Variants in IGLON5 observed in about 807,000 individuals in gnomAD.
IGLON5 encodes Ig-like domain-containing protein ENSP00000270642.
Under a neutral mutation model 38.2 loss-of-function variants are expected in IGLON5, and 16 were observed. The ratio of observed to expected loss-of-function variants is 0.42; its 90% confidence interval spans 0.28 to 0.64. The LOEUF (loss-of-function observed/expected upper bound fraction) is 0.64, where lower values mean the gene tolerates loss of function less well. Ranked by LOEUF, IGLON5 falls within the 30% of genes least tolerant of loss-of-function variation. The pLI is 0.23. For synonymous variants in IGLON5, 207 were observed against 216.4 expected (o/e 0.96, Z 0.38); for missense variants, 366 against 483.4 (o/e 0.76, Z 2.28).
Position 51,327,691 on chromosome 19 carries a change from C to G in IGLON5, c.768-41C>G. On this transcript the variant is annotated intron_variant, in intron 6 of 7. Coordinates refer to ENST00000270642, the MANE Select transcript of IGLON5 (RefSeq NM_001101372.3). The surrounding 1 kb of genome is among the most constrained non-coding windows in gnomAD (Gnocchi z 7.1). ...CCTGAGAGTCGGGGGGCTGGCCTGG[C>G]TGGGCGCTGCGGCCCGGCCCCTGAC... 1 of 1,542,720 alleles carries G rather than the reference C, an allele frequency of 6.5e-7. No individual in the cohort carries two copies. The highest frequency in any genetic ancestry group is 8.7e-7 in the Non-Finnish European group (1 of 1,149,938).
chr19:51,327,693 G>T lies in IGLON5; in HGVS notation c.768-39G>T, dbSNP rs774676410. 2.6e-6 allele frequency: 4 copies of T among 1,543,638 alleles called. No homozygotes were observed. The African/African-American group carries it at 5.5e-5, about 21-fold the overall frequency. Reference sequence around the variant, plus strand: ...TGAGAGTCGGGGGGCTGGCCTGGCTGGGCGCTGCGGCCCGGCCCCTGACCC... The same window carrying T: ...TGAGAGTCGGGGGGCTGGCCTGGCTTGGCGCTGCGGCCCGGCCCCTGACCC... On this transcript the variant is annotated intron_variant, in intron 6 of 7. Coordinates refer to ENST00000270642, the MANE Select transcript of IGLON5 (RefSeq NM_001101372.3). This position sits in a 1 kb window ranked among gnomAD's most constrained non-coding sequence, Gnocchi z 7.1.
intron 1 of IGLON5, among the ~76,000 whole-genome samples, chr19:51,316,713 C>G (rs970643153): frequency 6.6e-6 from 1 of 152,088 alleles, no homozygotes; most frequent in East Asian, 2.0e-4. Flanking sequence ...AGGCTAGTCT[C>G]GAACTCCTGA....
In IGLON5 at chr19:51,324,725, A is replaced by G. The variant is rs1985170732; in HGVS notation, c.392-621A>G. ...ATGCCCTACTAGAAAAGAAAAAACA[A>G]AAACACTGCCAGCGATACCCTGGCA... On this transcript the variant is annotated intron_variant, in intron 3 of 7. Coordinates refer to ENST00000270642, the MANE Select transcript of IGLON5 (RefSeq NM_001101372.3). The surrounding 1 kb of genome is among the most constrained non-coding windows in gnomAD (Gnocchi z 4.2). Among the ~76,000 whole-genome samples, 1 of 151,668 alleles carries G rather than the reference A, an allele frequency of 6.6e-6. No individual in the cohort carries two copies. Among genetic ancestry groups the G allele is most frequent in the South Asian group, 2.1e-4 (1 of 4,808 alleles).
intron 1 of IGLON5, among the ~76,000 whole-genome samples, chr19:51,315,173 ATT>A (rs1984887479): frequency 6.6e-6 from 1 of 152,122 alleles, no homozygotes; most frequent in Non-Finnish European, 1.5e-5. Flanking sequence ...ACATTGTGGT[ATT>A]TTAAAACAAT....
Position 51,327,335 on chromosome 19 carries a change from C to A in IGLON5, c.767+135C>A. Reference sequence around the variant, plus strand: ...GTCCCGAACCTGGGGCGTCCAGCTTCTAGGTGATGGGATCTGTCCAGCCCC... The same window carrying A: ...GTCCCGAACCTGGGGCGTCCAGCTTATAGGTGATGGGATCTGTCCAGCCCC... On this transcript the variant is annotated intron_variant, in intron 6 of 7. Coordinates refer to ENST00000270642, the MANE Select transcript of IGLON5 (RefSeq NM_001101372.3). This position sits in a 1 kb window ranked among gnomAD's most constrained non-coding sequence, Gnocchi z 7.1. 1 of 1,236,346 alleles carries A rather than the reference C, an allele frequency of 8.1e-7. No homozygotes were observed. The highest frequency in any genetic ancestry group is 2.4e-5 in the East Asian group (1 of 41,706). The allele number at this position is 1,236,346 out of a possible 1,614,324, so 76.6% of individuals were successfully genotyped here. A position where few individuals can be genotyped will look rare whatever the true frequency, so the allele number is the denominator to read the frequency against.
rs1467783045 is a variant in IGLON5 at position 51,330,664 on chromosome 19, G to A, written c.*1905G>A. Among the ~76,000 whole-genome samples the A allele has an allele frequency of 2.6e-5, 4 of 152,160 alleles. No homozygotes were observed. Among genetic ancestry groups the A allele is most frequent in the Non-Finnish European group, 5.9e-5 (4 of 68,036 alleles). On this transcript the variant is annotated 3_prime_UTR_variant, in exon 8 of 8. Coordinates refer to ENST00000270642, the MANE Select transcript of IGLON5 (RefSeq NM_001101372.3). ...CGTGATGTGAAGTCAACATCTGTAG[G>A]GTTGCTTTTCTCCATCACATGGAGA...
chr19:51,330,069 G>C lies in IGLON5; in HGVS notation c.*1310G>C, dbSNP rs1162300825. On this transcript the variant is annotated 3_prime_UTR_variant, in exon 8 of 8. Transcript: ENST00000270642. Reference sequence around the variant, plus strand: ...CACAGACATCCTGAGCCCAGACAAAGATGCCATGTCACCAACTCCGACTCC... The same window carrying C: ...CACAGACATCCTGAGCCCAGACAAACATGCCATGTCACCAACTCCGACTCC... 1 of 152,360 alleles carries C rather than the reference G, an allele frequency of 6.6e-6. No homozygotes were observed. The highest frequency in any genetic ancestry group is 2.4e-5 in the African/African-American group (1 of 41,450). The allele number at this position is 152,360 out of a possible 1,614,324, so 9.4% of individuals were successfully genotyped here.
In IGLON5 at chr19:51,330,407, G is replaced by A. The variant is rs1985329031; in HGVS notation, c.*1648G>A. 1 of 152,240 alleles carries A rather than the reference G, an allele frequency of 6.6e-6. No individual in the cohort carries two copies. Among genetic ancestry groups the A allele is most frequent in the African/African-American group, 2.4e-5 (1 of 41,446 alleles). The allele number at this position is 152,240 out of a possible 1,614,324, so 9.4% of individuals were successfully genotyped here. A position where few individuals can be genotyped will look rare whatever the true frequency, so the allele number is the denominator to read the frequency against. On this transcript the variant is annotated 3_prime_UTR_variant, in exon 8 of 8. Coordinates refer to ENST00000270642, the MANE Select transcript of IGLON5 (RefSeq NM_001101372.3). ...AGGATTAGAGTTAATGAAGGGCAAA[G>A]GGTAGCAGTCAATTGGTGGTGCCTC...
At chr19:51,313,213 C>T (rs139376669) in intron 1 of IGLON5, among the ~76,000 whole-genome samples, 12 of 152,328 alleles carry the variant, frequency 7.9e-5, no homozygotes, top group Admixed American at 3.3e-4. Flanking sequence ...AGTCCTCCCC[C>T]GTCTCCCACC....
chr19:51,323,012 C>T (rs1288222385), intron 2 of IGLON5, among the ~76,000 whole-genome samples: 1 of 130,544 alleles, frequency 7.7e-6, no homozygotes, highest in Admixed American at 7.7e-5. Context: ...CCTCTGTTCC[C>T]CTCTGTCTCT....
intron 1 of IGLON5, among the ~76,000 whole-genome samples, chr19:51,312,855 G>C (rs1984801388): frequency 6.6e-6 from 1 of 152,286 alleles, no homozygotes; most frequent in South Asian, 2.1e-4. Flanking sequence ...TGGCAGGCAG[G>C]GGGTGGTCAA....
chr19:51,323,628 T>C (rs1599826583), intron 2 of IGLON5, 34 bp from the exon 3 acceptor site: 2 of 1,561,632 alleles, frequency 1.3e-6, no homozygotes, highest in Non-Finnish European at 1.7e-6. Flanking sequence ...GCTGGGTGGG[T>C]GGAGAAAAAC....
intron 1 of IGLON5, among the ~76,000 whole-genome samples, chr19:51,312,374 G>A (rs995429891): frequency 1.3e-5 from 2 of 151,614 alleles, no homozygotes; most frequent in Non-Finnish European, 2.9e-5. Context: ...TCCCTGAAGA[G>A]GTCCTTGCCG....
chr19:51,326,984 G>T (rs1441847749), intron 5 of IGLON5, 86 bp downstream of exon 5: 2 of 1,580,626 alleles, frequency 1.3e-6, no homozygotes, highest in East Asian at 2.3e-5. Context: ...GGAAGCGGGG[G>T]CGAGACTTAC....
intron 7 of IGLON5, among the ~76,000 whole-genome samples, chr19:51,328,170 C>T (rs1985263782): frequency 6.6e-6 from 1 of 152,080 alleles, no homozygotes; most frequent in Admixed American, 6.5e-5. Flanking sequence ...AACAAGTGGT[C>T]ATGTAGGTAA....
In IGLON5 at chr19:51,325,424, T is replaced by C. The variant is rs1472123490; in HGVS notation, c.470T>C (p.Val157Ala). Residue 157 changes from valine to alanine, a missense_variant, in exon 4 of 8, where the codon GTG (valine) becomes GCG (alanine). By Grantham distance (64) the Val-to-Ala change is moderately conservative (BLOSUM62 0). Transcript: ENST00000270642. The surrounding 1 kb of genome is among the most constrained non-coding windows in gnomAD (Gnocchi z 5.5). ...GGNVNLLCLA[V>A]GRPEPTVTWR... ...AATGTGAACCTGCTTTGCCTGGCCG[T>C]GGGGCGGCCAGAGCCCACGGTCACC... 5.6e-6 allele frequency: 9 copies of C among 1,613,600 alleles called. No homozygotes were observed. Among genetic ancestry groups the C allele is most frequent in the African/African-American group, 1.3e-5 (1 of 74,900 alleles).
Position 51,323,781 on chromosome 19 carries a change from A to C in IGLON5, c.278A>C (p.Glu93Ala), listed in dbSNP as rs1266059015. 2 of 1,613,724 alleles carry C rather than the reference A, an allele frequency of 1.2e-6. No individual in the cohort carries two copies. Among genetic ancestry groups the C allele is most frequent in the African/African-American group, 2.7e-5 (2 of 74,874 alleles). ...PRVRLLINTP[E>A]EFSILITEVG... ...GTGCGGCTGCTCATCAACACCCCCG[A>C]GGAGTTCTCCATCCTCATCACCGAG... The change falls in exon 3 of 8, where the codon GAG (glutamate) becomes GCG (alanine). Residue 93 changes from glutamate (E) to alanine (A), a missense_variant. Coordinates refer to ENST00000270642, the MANE Select transcript of IGLON5 (RefSeq NM_001101372.3).
chr19:51,328,729 C>T lies in IGLON5; in HGVS notation c.981C>T (p.Ser327=), dbSNP rs1599829338. 7 of 1,601,350 alleles carry T rather than the reference C, an allele frequency of 4.4e-6. No individual in the cohort carries two copies. Among genetic ancestry groups the T allele is most frequent in the Admixed American group, 1.7e-5 (1 of 58,500 alleles). Residue 327 remains serine (S), a synonymous_variant, in exon 8 of 8, where the codon TCC becomes TCT. Coordinates refer to ENST00000270642, the MANE Select transcript of IGLON5 (RefSeq NM_001101372.3). ...CCCCAGGGCTCCTGGCCCTCCTCTC[C>T]GCCCTGGGCTGGCTGTGGTGGAGAA... The part of the protein sequence containing the change: ...PRPPGLLALL[S]ALGWLWWRM
chr19:51,327,976 T>C lies in IGLON5; in HGVS notation c.922+90T>C. On this transcript the variant is annotated intron_variant, in intron 7 of 7. Transcript: ENST00000270642. This position sits in a 1 kb window ranked among gnomAD's most constrained non-coding sequence, Gnocchi z 7.1. ...GAGACGCCGGGACCGCCCTTCAGGCTGGCCCTGAACTTAGGAGATGGACGC... is the reference window on the plus strand; with the variant it reads ...GAGACGCCGGGACCGCCCTTCAGGCCGGCCCTGAACTTAGGAGATGGACGC... 4.4e-6 allele frequency: 6 copies of C among 1,349,962 alleles called. No individual in the cohort carries two copies. The highest frequency in any genetic ancestry group is 5.9e-6 in the Non-Finnish European group (6 of 1,025,090). The allele number at this position is 1,349,962 out of a possible 1,614,324, so 83.6% of individuals were successfully genotyped here.
Sources: gnomAD v4.1 joint callset for allele counts (sites outside exome capture counted in the v4.1 genomes callset) on GRCh38, gnomAD v4.1.1 for gene constraint, Gnocchi (gnomAD v3.1) non-coding constraint, MANE v1.5 for transcripts, NCBI Gene and HGNC (gene_info 2026-07-23, HGNC 2026-07-21) for gene names.